Variants in CFAP20DC observed in about 807,000 individuals in gnomAD.
The protein encoded by CFAP20DC is protein CFAP20DC.
CFAP20DC carries 84 observed loss-of-function variants against 101.7 expected under a neutral mutation model. The ratio of observed to expected loss-of-function variants is 0.83; its 90% CI spans 0.69 to 0.99. The LOEUF (loss-of-function observed/expected upper bound fraction) is 0.99, where lower values mean the gene tolerates loss of function less well. Ranked by LOEUF, CFAP20DC falls within the 50% of genes least tolerant of loss-of-function variation. CFAP20DC has a pLI of 0.00. For synonymous variants in CFAP20DC, 359 were observed against 351.2 expected, an observed-to-expected ratio of 1.02 and a Z score of -0.25; for missense variants, 1,007 against 970.3, an observed-to-expected ratio of 1.04 and a Z score of -0.50.
chr3:58,812,875 A>G (rs1043019842), intron 14 of CFAP20DC, among the ~76,000 whole-genome samples: 4 of 151,806 alleles, frequency 2.6e-5, no homozygotes, highest in African/African-American at 4.9e-5. Context: ...CATGTATTGA[A>G]ATTTTCCTCT....
At chr3:58,840,963 C>T (rs949998025) in intron 13 of CFAP20DC, among the ~76,000 whole-genome samples, 1 of 152,226 alleles carries the variant, frequency 6.6e-6, no homozygotes, top group Non-Finnish European at 1.5e-5. Flanking sequence ...GTGCTCTGAG[C>T]CATGGTTTCC....
chr3:58,922,723 C>T (rs1365926863), intron 5 of CFAP20DC, among the ~76,000 whole-genome samples: 1 of 152,100 alleles, frequency 6.6e-6, no homozygotes, highest in South Asian at 2.1e-4. Flanking sequence ...GCCAAATAAA[C>T]CTTTTTTGTT....
At chr3:58,891,252 G>T (rs1459397646) in intron 6 of CFAP20DC, among the ~76,000 whole-genome samples, 1 of 151,944 alleles carries the variant, frequency 6.6e-6, no homozygotes, top group Non-Finnish European at 1.5e-5. Flanking sequence ...GCGAAACCCC[G>T]TCTCCACCAA....
rs2091933985 is a variant in CFAP20DC at position 58,971,289 on chromosome 3, TATAAG to T, written c.279-33532_279-33528del. ...CACAATTATCAACACAAACTATGAT[TATAAG>T]ATATTTCCAATTATTTATAGTCTTG... On this transcript the variant is annotated intron_variant, in intron 4 of 16. Transcript: ENST00000482387. The surrounding 1 kb of genome is among the most constrained non-coding windows in gnomAD (Gnocchi z 4.1). 2.0e-5 allele frequency among the ~76,000 whole-genome samples: 3 copies of T among 152,208 alleles called. No homozygotes were observed. The highest frequency in any genetic ancestry group is 4.8e-5 in the African/African-American group (2 of 41,468).
chr3:58,799,347 T>C lies in CFAP20DC; in HGVS notation c.2237+7048A>G. ...GTAAAATGATATCAGATACTTTATA[T>C]TCTGGATATCTTTTAAGGGATCTTT... is the stretch of plus-strand genomic sequence containing the variant. On this transcript the variant is annotated intron_variant, in intron 15 of 16. Transcript: ENST00000482387. This position sits in a 1 kb window ranked among gnomAD's most constrained non-coding sequence, Gnocchi z 4.9. 6.6e-6 allele frequency among the ~76,000 whole-genome samples: 1 copy of C among 152,214 alleles called. No homozygotes were observed. Among genetic ancestry groups the C allele is most frequent in the Admixed American group, 6.5e-5 (1 of 15,284 alleles).
At chr3:58,730,039 A>AAG (rs1299648262) in intron 3 of CFAP20DC, among the ~76,000 whole-genome samples, 1 of 145,868 alleles carries the variant, frequency 6.9e-6, no homozygotes, top group Non-Finnish European at 1.5e-5. Context: ...AAAAAAAAAA[A>AAG]GAAAGTTGAA....
At chr3:58,804,679 T>G (rs531597896) in intron 15 of CFAP20DC, among the ~76,000 whole-genome samples, 40 of 152,310 alleles carry the variant, frequency 2.6e-4, no homozygotes, top group African/African-American at 8.9e-4. Flanking sequence ...CTTAACTTGT[T>G]ATAATTTGGA....
intron 4 of CFAP20DC, among the ~76,000 whole-genome samples, chr3:58,981,914 A>T (rs1004602853): frequency 4.6e-5 from 7 of 152,184 alleles, no homozygotes; most frequent in African/African-American, 1.7e-4. Flanking sequence ...ATCAGAGTGA[A>T]CAGGCAACCT....
intron 4 of CFAP20DC, among the ~76,000 whole-genome samples, chr3:58,997,880 G>GACAAAGGGGGTCCCT (rs2093185955): frequency 6.6e-6 from 1 of 152,144 alleles, no homozygotes; most frequent in South Asian, 2.1e-4. Context: ...GCCTTGGGGA[G>GACAAAGGGGGTCCCT]TGGGTATAGG....
At chr3:58,947,099 T>C (rs1344457412) in intron 4 of CFAP20DC, among the ~76,000 whole-genome samples, 2 of 152,160 alleles carry the variant, frequency 1.3e-5, no homozygotes, top group Non-Finnish European at 2.9e-5. Flanking sequence ...TATTTACAAG[T>C]CTATCTGACA....
chr3:58,952,071 G>T (rs1178959676), intron 4 of CFAP20DC, among the ~76,000 whole-genome samples: 1 of 152,032 alleles, frequency 6.6e-6, no homozygotes, highest in Non-Finnish European at 1.5e-5. Context: ...TAGGGGGTAG[G>T]GTAGGGATGG....
intron 6 of CFAP20DC, among the ~76,000 whole-genome samples, chr3:58,905,891 G>A (rs2083538499): frequency 1.3e-5 from 2 of 152,084 alleles, no homozygotes; most frequent in Admixed American, 1.3e-4. Flanking sequence ...CTTACTCCAT[G>A]GCATCTCTTG....
chr3:59,048,606 A>G (rs1700056808), intron 1 of CFAP20DC, among the ~76,000 whole-genome samples: 1 of 152,232 alleles, frequency 6.6e-6, no homozygotes, highest in Non-Finnish European at 1.5e-5. Flanking sequence ...CAAACTCTCT[A>G]AAAGTGTTCT....
At chr3:58,943,481 C>T (rs1043691817) in intron 4 of CFAP20DC, among the ~76,000 whole-genome samples, 2 of 152,114 alleles carry the variant, frequency 1.3e-5, no homozygotes, top group Non-Finnish European at 2.9e-5. Context: ...AGCAGAGAGG[C>T]CTGACTGTTA....
chr3:58,864,976 CTA>C lies in CFAP20DC; in HGVS notation c.1259-1086_1259-1085del, dbSNP rs1416109405. ...TCACATTGAGATAGAGTTTATAGCT[CTA>C]TGATCCTGATGAATTGAAAAAGACA... On this transcript the variant is annotated intron_variant, in intron 11 of 16. Transcript: ENST00000482387. This position sits in a 1 kb window ranked among gnomAD's most constrained non-coding sequence, Gnocchi z 4.7. 1.6e-4 allele frequency among the ~76,000 whole-genome samples: 25 copies of C among 151,928 alleles called. No homozygotes were observed. The highest frequency in any genetic ancestry group is 1.6e-3 in the Admixed American group (25 of 15,258).
rs1399644104 is a variant in CFAP20DC at position 58,863,687 on chromosome 3, A to G, written c.1464T>C (p.Pro488=). 1 of 1,614,146 alleles carries G rather than the reference A, an allele frequency of 6.2e-7. No individual in the cohort carries two copies. Among genetic ancestry groups the G allele is most frequent in the Admixed American group, 1.7e-5 (1 of 60,018 alleles). ...FTFSSRPRSA[P]HGKTQTMSPE... ...GGGACATAGTCTGAGTCTTTCCATG[A>G]GGTGCTGATCGTGGTCTTGATGAAA... is the stretch of plus-strand genomic sequence containing the variant. The change falls in exon 12 of 17, where the codon CCT becomes CCC. Residue 488 remains proline, a synonymous_variant. Transcript: ENST00000482387. This position sits in a 1 kb window ranked among gnomAD's most constrained non-coding sequence, Gnocchi z 5.9.
At position 58,956,283 on chromosome 3, in the gene CFAP20DC, G is replaced by C. The variant is rs115418230; in HGVS notation, c.279-18521C>G. ...GGAAGGCATTTCTGAATCTTCCCTA[G>C]GCCAGAGGGGAGCCCATTTTCCTGG... On this transcript the variant is annotated intron_variant, in intron 4 of 16. Transcript: ENST00000482387. 3.0e-3 allele frequency among the ~76,000 whole-genome samples: 460 copies of C among 151,948 alleles called. 1 individual carries two copies. The highest frequency in any genetic ancestry group is 0.011 in the African/African-American group (445 of 41,440).
At chr3:59,030,172 T>G (rs1164597525) in intron 4 of CFAP20DC, among the ~76,000 whole-genome samples, 2 of 152,216 alleles carry the variant, frequency 1.3e-5, no homozygotes, top group African/African-American at 4.8e-5. Context: ...TATGTGACTT[T>G]CCAAGCTTGT....
At chr3:58,789,305 T>C (rs1319454681) in intron 15 of CFAP20DC, among the ~76,000 whole-genome samples, 3 of 152,110 alleles carry the variant, frequency 2.0e-5, no homozygotes, top group African/African-American at 7.2e-5. Flanking sequence ...TTCTGTGGAA[T>C]GATGGGACTT....
Sources: allele counts gnomAD v4.1 joint callset (sites outside exome capture counted in the v4.1 genomes callset), GRCh38; gene constraint gnomAD v4.1.1; non-coding constraint Gnocchi (gnomAD v3.1); transcripts MANE v1.5; gene names NCBI Gene and HGNC (gene_info 2026-07-23, HGNC 2026-07-21).